TNRC6B: variants seen among roughly 807,000 people sequenced by gnomAD.
TNRC6B encodes trinucleotide repeat-containing gene 6B protein.
A neutral mutation model predicts 203.6 loss-of-function variants in TNRC6B; 52 were observed. That is an observed-to-expected ratio of 0.26 (90% CI 0.20 to 0.32). The LOEUF is 0.32. TNRC6B is among the 10% of genes least tolerant of loss of function. The probability of loss-of-function intolerance (pLI) is 1.00; values close to 1 mark genes in which losing one functional copy is unlikely to be tolerated. For synonymous variants in TNRC6B, 838 were observed against 845.7 expected, an observed-to-expected ratio of 0.99 and a Z score of 0.16; for missense variants, 1,923 against 2,286.2, an observed-to-expected ratio of 0.84 and a Z score of 3.24.
chr22:40,069,635 G>A (rs2067929884), intron 1 of TNRC6B, among the ~76,000 whole-genome samples: 1 of 151,886 alleles, frequency 6.6e-6, no homozygotes, highest in African/African-American at 2.4e-5. Context: ...TTACAGGCAT[G>A]TGCCACCATG....
In TNRC6B at chr22:40,061,872, G is replaced by C. The variant is rs575811595; in HGVS notation, c.-121+16874G>C. Among the ~76,000 whole-genome samples, 75 of 152,092 alleles carry C rather than the reference G, an allele frequency of 4.9e-4. 1 individual carries two copies. The highest frequency in any genetic ancestry group is 2.4e-3 in the Admixed American group (37 of 15,278). ...GTGGATCATCTGACGTCAGGAGTTCGAGACCAGCCTAGCCAACATGGTGAA... is the reference window on the plus strand; with the variant it reads ...GTGGATCATCTGACGTCAGGAGTTCCAGACCAGCCTAGCCAACATGGTGAA... On this transcript the variant is annotated intron_variant, in intron 1 of 23. Coordinates refer to the TNRC6B transcript ENST00000301923.
At chr22:40,274,906 A>G (rs1253453355) in intron 7 of TNRC6B, among the ~76,000 whole-genome samples, 3 of 152,150 alleles carry the variant, frequency 2.0e-5, no homozygotes, top group Admixed American at 6.5e-5. Flanking sequence ...TCGTTTGACA[A>G]ATAAAATAGT....
At chr22:40,149,942 G>A (rs918845955) in intron 3 of TNRC6B, among the ~76,000 whole-genome samples, 5 of 151,986 alleles carry the variant, frequency 3.3e-5, no homozygotes, top group African/African-American at 1.2e-4. Flanking sequence ...GGAATTACAG[G>A]CATGAGCTAC....
At chr22:40,063,679 TTTTTTC>T (rs2067872704) in intron 1 of TNRC6B, among the ~76,000 whole-genome samples, 1 of 152,004 alleles carries the variant, frequency 6.6e-6, no homozygotes, top group African/African-American at 2.4e-5. Context: ...GGTTTTTTTC[TTTTTTC>T]TTTTTCTTTT....
Position 40,330,589 on chromosome 22 carries a change from G to T in TNRC6B, c.*7348G>T, listed in dbSNP as rs1183623031. On this transcript the variant is annotated 3_prime_UTR_variant, in exon 23 of 23. Coordinates refer to ENST00000454349, the MANE Select transcript of TNRC6B (RefSeq NM_001162501.2). ...TAAAGGTAGTATAGTTTCTCACCAA[G>T]TGATGCATTTTAGCATGACACTTCT... is the stretch of plus-strand genomic sequence containing the variant. 1 of 152,656 alleles carries T rather than the reference G, an allele frequency of 6.6e-6. No individual in the cohort carries two copies. The highest frequency in any genetic ancestry group is 2.4e-5 in the African/African-American group (1 of 41,460). The allele number at this position is 152,656 out of a possible 1,614,324, so 9.5% of individuals were successfully genotyped here.
chr22:40,221,634 C>T (rs1327537747), intron 1 of TNRC6B, among the ~76,000 whole-genome samples: 2 of 151,796 alleles, frequency 1.3e-5, no homozygotes, highest in Non-Finnish European at 2.9e-5. Flanking sequence ...ATGGGGGTTC[C>T]GGTATGTTGG....
In TNRC6B at chr22:40,334,514, T is replaced by G. The variant is rs2044013521; in HGVS notation, c.*11273T>G. On this transcript the variant is annotated 3_prime_UTR_variant, in exon 23 of 23. Transcript: ENST00000454349. ...CTCCCCGCCACCCACCTCATCCCTGTTCTGCGTAACCAAAAAACAGACAAC... is the reference window on the plus strand; with the variant it reads ...CTCCCCGCCACCCACCTCATCCCTGGTCTGCGTAACCAAAAAACAGACAAC... 6.6e-6 allele frequency: 1 copy of G among 152,662 alleles called. No homozygotes were observed. The highest frequency in any genetic ancestry group is 1.5e-5 in the Non-Finnish European group (1 of 68,050). 9.5% of individuals were successfully genotyped at this position (152,662 alleles called of 1,614,324 possible).
intron 12 of TNRC6B, among the ~76,000 whole-genome samples, chr22:40,294,350 C>G (rs2070910798): frequency 6.6e-6 from 1 of 152,194 alleles, no homozygotes; most frequent in African/African-American, 2.4e-5. Context: ...CTGCCTCCAT[C>G]ATCATCCGAT....
At chr22:40,236,049 G>A (rs894064373) in intron 1 of TNRC6B, among the ~76,000 whole-genome samples, 3 of 152,134 alleles carry the variant, frequency 2.0e-5, no homozygotes, top group South Asian at 2.1e-4. Flanking sequence ...TCCAACAATG[G>A]TAACTTCTTG....
At chr22:40,083,609 T>C (rs1208493587) in intron 1 of TNRC6B, among the ~76,000 whole-genome samples, 2 of 151,998 alleles carry the variant, frequency 1.3e-5, no homozygotes, top group African/African-American at 4.8e-5. Context: ...TGTATGCACG[T>C]GGGGGTGATC....
chr22:40,311,988 T>G (rs1439046025), intron 17 of TNRC6B, among the ~76,000 whole-genome samples: 2 of 152,274 alleles, frequency 1.3e-5, no homozygotes, highest in East Asian at 3.8e-4. Context: ...TTCCGAGCCC[T>G]TATGTATATT....
intron 3 of TNRC6B, 22 bp from the exon 4 acceptor site, chr22:40,261,810 T>C: frequency 6.7e-7 from 1 of 1,495,138 alleles, no homozygotes; most frequent in South Asian, 1.3e-5. Flanking sequence ...TCAAAGACTG[T>C]TTCCCAACCC....
rs1266368462 is a variant in TNRC6B, at chr22:40,265,629, G to C, written c.1399G>C (p.Gly467Arg). 1.2e-6 allele frequency: 2 copies of C among 1,613,720 alleles called. No individual in the cohort carries two copies. Among genetic ancestry groups the C allele is most frequent in the East Asian group, 4.5e-5 (2 of 44,890 alleles). The change falls in exon 5 of 23, where the codon GGG becomes CGG. Residue 467 changes from glycine (G) to arginine (R), a missense_variant. Around this residue, in one of 8 missense-constraint regions of TNRC6B, gnomAD observed 614 missense variants for 587.7 expected, o/e 1.04. Coordinates refer to ENST00000454349, the MANE Select transcript of TNRC6B (RefSeq NM_001162501.2). ...AGGAGCTTCTGTTCAGAAATCAACT[G>C]GGTCAAAAAATGACTCTTGGGACAA... Reference protein sequence around the residue: ...WKGASVQKSTGSKNDSWDNNN... With the variant: ...WKGASVQKSTRSKNDSWDNNN...
intron 6 of TNRC6B, 49 bp downstream of exon 6, chr22:40,270,329 TTTAA>T (rs1245211234): frequency 1.5e-6 from 2 of 1,343,010 alleles, no homozygotes; most frequent in African/African-American, 3.1e-5. Context: ...TTTTTTTTTT[TTTAA>T]TTGAGACGGA....
At chr22:40,056,527 C>T (rs2067797447) in intron 1 of TNRC6B, among the ~76,000 whole-genome samples, 2 of 152,158 alleles carry the variant, frequency 1.3e-5, no homozygotes. Context: ...GGTGCAGTGG[C>T]TCATGCCTGT....
chr22:40,125,036 A>G (rs1381952951), intron 2 of TNRC6B, among the ~76,000 whole-genome samples: 1 of 152,120 alleles, frequency 6.6e-6, no homozygotes, highest in African/African-American at 2.4e-5. Context: ...ATATTCCTCA[A>G]TAATTACATA....
intron 4 of TNRC6B, among the ~76,000 whole-genome samples, chr22:40,163,502 C>T (rs1472797401): frequency 2.9e-5 from 4 of 136,032 alleles, no homozygotes; most frequent in Admixed American, 8.2e-5. Flanking sequence ...GTGGCTCACG[C>T]CTGTAATCCC....
intron 1 of TNRC6B, among the ~76,000 whole-genome samples, chr22:40,093,107 C>T (rs182367662): frequency 8.5e-5 from 13 of 152,282 alleles, no homozygotes; most frequent in Admixed American, 3.3e-4. Flanking sequence ...ATGATAAATA[C>T]AATTTTTATC....
chr22:40,103,067 G>A (rs1041081690), intron 1 of TNRC6B, among the ~76,000 whole-genome samples: 21 of 151,082 alleles, frequency 1.4e-4, no homozygotes, highest in Admixed American at 1.3e-3. Flanking sequence ...CAGAGTGAGA[G>A]TCTGTCTCAA....
Sources: allele counts gnomAD v4.1 joint callset (sites outside exome capture counted in the v4.1 genomes callset), GRCh38; gene constraint gnomAD v4.1.1; regional missense constraint gnomAD v4.1.1; transcripts MANE v1.5; gene names NCBI Gene and HGNC (gene_info 2026-07-23, HGNC 2026-07-21).